Variants in NAV1 observed in about 807,000 individuals in gnomAD.
NAV1 encodes the protein neuron navigator 1, also known as pore membrane and/or filament interacting like protein 3.
In NAV1, 18 loss-of-function variants were observed where a neutral mutation model predicts 175.2. The observed-to-expected ratio is 0.10, with a 90% CI of 0.07 to 0.15. The LOEUF is 0.15. NAV1 is among the 10% of genes least tolerant of loss of function. The pLI is 1.00. For synonymous variants in NAV1, 897 were observed against 978.7 expected (o/e 0.92, Z 1.56); for missense variants, 1,731 against 2,436.6 (o/e 0.71, Z 6.10).
intron 3 of NAV1, among the ~76,000 whole-genome samples, chr1:201,776,193 G>A (rs577486146): frequency 6.6e-6 from 1 of 151,912 alleles, no homozygotes; most frequent in Admixed American, 6.6e-5. Flanking sequence ...AGAAAGGATG[G>A]AAGATAAAAT....
chr1:201,605,485 A>G (rs1439264958), intron 2 of NAV1, among the ~76,000 whole-genome samples: 1 of 152,240 alleles, frequency 6.6e-6, no homozygotes, highest in Admixed American at 6.5e-5. Context: ...GACTGAACCC[A>G]GACCTCATGA....
chr1:201,809,597 T>C lies in NAV1; in HGVS notation c.4401+60T>C, dbSNP rs1678558213. ...TCCTCTCGTGGAATATATATACTTT[T>C]TTAGAGACAGGGTCTCACTCTTGCC... On this transcript the variant is annotated intron_variant, in intron 22 of 29. Coordinates refer to ENST00000367296, the Ensembl canonical transcript of NAV1. 1.1e-5 allele frequency: 17 copies of C among 1,509,414 alleles called. No homozygotes were observed. In the South Asian group the frequency reaches 2.0e-4, roughly 18 times the overall value. 93.5% of individuals were successfully genotyped at this position (1,509,414 alleles called of 1,614,324 possible).
At chr1:201,778,647 C>A (rs1676107335) in intron 3 of NAV1, among the ~76,000 whole-genome samples, 2 of 152,162 alleles carry the variant, frequency 1.3e-5, no homozygotes, top group South Asian at 4.1e-4. Flanking sequence ...ATTTAAAGAA[C>A]TCTGTAGTGT....
chr1:201,570,121 G>T (rs987319), intron 1 of NAV1, among the ~76,000 whole-genome samples: 12,159 of 152,152 alleles, frequency 0.08, 635 homozygotes, highest in East Asian at 0.23. Flanking sequence ...GCCCTGATTA[G>T]GCTGACCTGA....
intron 1 of NAV1, among the ~76,000 whole-genome samples, chr1:201,578,079 G>A (rs1666744863): frequency 1.3e-5 from 2 of 152,084 alleles, no homozygotes; most frequent in Non-Finnish European, 2.9e-5. Context: ...TACTTTTTCA[G>A]CACCATCCTC....
At chr1:201,666,780 G>A (rs1361683832) in intron 1 of NAV1, among the ~76,000 whole-genome samples, 1 of 152,158 alleles carries the variant, frequency 6.6e-6, no homozygotes, top group Non-Finnish European at 1.5e-5. Context: ...CTCCTGGCCT[G>A]CAATTTCAAG....
At chr1:201,600,816 G>A (rs1667491638) in intron 2 of NAV1, among the ~76,000 whole-genome samples, 1 of 152,180 alleles carries the variant, frequency 6.6e-6, no homozygotes, top group Admixed American at 6.5e-5. Flanking sequence ...TTTGTCCTGG[G>A]ATCACAATCC....
chr1:201,726,547 C>T (rs1246900989), intron 3 of NAV1, among the ~76,000 whole-genome samples: 1 of 150,528 alleles, frequency 6.6e-6, no homozygotes, highest in Non-Finnish European at 1.5e-5. Flanking sequence ...GCTCAGGAGG[C>T]TGAGGCAGGA....
At chr1:201,705,125 A>G (rs929547789) in intron 1 of NAV1, among the ~76,000 whole-genome samples, 2 of 152,034 alleles carry the variant, frequency 1.3e-5, no homozygotes, top group African/African-American at 4.8e-5. Flanking sequence ...CACCCTCTTT[A>G]CGTGTTCTAA....
intron 1 of NAV1, among the ~76,000 whole-genome samples, chr1:201,681,857 A>G (rs1670479109): frequency 6.6e-6 from 1 of 152,010 alleles, no homozygotes; most frequent in African/African-American, 2.4e-5. Flanking sequence ...GCTCACGCCT[A>G]TAATCCTAGC....
At chr1:201,763,805 A>G (rs1372968009) in intron 3 of NAV1, among the ~76,000 whole-genome samples, 1 of 152,198 alleles carries the variant, frequency 6.6e-6, no homozygotes, top group East Asian at 1.9e-4. Context: ...TTAAGATCCC[A>G]ATAAAATATA....
chr1:201,768,535 A>T (rs1675359587), intron 3 of NAV1, among the ~76,000 whole-genome samples: 1 of 150,858 alleles, frequency 6.6e-6, no homozygotes, highest in Non-Finnish European at 1.5e-5. Flanking sequence ...CTACTTGGGG[A>T]GCTGAAGCAG....
chr1:201,600,375 A>G (rs1667481195), intron 2 of NAV1, among the ~76,000 whole-genome samples: 2 of 152,218 alleles, frequency 1.3e-5, no homozygotes, highest in African/African-American at 2.4e-5. Flanking sequence ...CCCCTGAAGC[A>G]TGGTGGAGAC....
chr1:201,730,787 C>T (rs982905725), intron 3 of NAV1, among the ~76,000 whole-genome samples: 1 of 152,206 alleles, frequency 6.6e-6, no homozygotes, highest in Non-Finnish European at 1.5e-5. Flanking sequence ...GACTCCAGCT[C>T]AAAGGCTGAG....
At chr1:201,673,277 G>A (rs367698953) in intron 1 of NAV1, 7 of 152,340 alleles carry the variant, frequency 4.6e-5, no homozygotes, top group African/African-American at 1.7e-4. Flanking sequence ...CGGCATCTAC[G>A]AGCAGAGCGA....
chr1:201,728,272 T>A (rs1380099367), intron 3 of NAV1, among the ~76,000 whole-genome samples: 6 of 151,928 alleles, frequency 3.9e-5, no homozygotes, highest in Non-Finnish European at 7.4e-5. Context: ...GAGGCACACA[T>A]CACCACACTT....
chr1:201,816,816 G>A lies in NAV1; in HGVS notation c.5341-272G>A, dbSNP rs1029999931. The stretch of plus-strand genomic sequence containing the variant: ...AGGTAGGATTATATAGGCACGCACC[G>A]CCATGCATGGCTAATTTTTTTTTTC... On this transcript the variant is annotated intron_variant, in intron 28 of 29. Transcript: ENST00000367296. 18 of 390,298 alleles carry A rather than the reference G, an allele frequency of 4.6e-5. No individual in the cohort carries two copies. In the Admixed American group the frequency reaches 6.6e-4, roughly 14 times the overall value. The allele number at this position is 390,298 out of a possible 1,614,324, so 24.2% of individuals were successfully genotyped here. A position where few individuals can be genotyped will look rare whatever the true frequency, so the allele number is the denominator to read the frequency against.
chr1:201,544,509 C>T (rs912250883), intron 1 of NAV1, among the ~76,000 whole-genome samples: 8 of 152,206 alleles, frequency 5.3e-5, no homozygotes, highest in African/African-American at 1.9e-4. Context: ...AAACATCCCC[C>T]TCAGAGGTCA....
chr1:201,707,238 G>A (rs1270222880), intron 1 of NAV1, among the ~76,000 whole-genome samples: 2 of 152,182 alleles, frequency 1.3e-5, no homozygotes, highest in African/African-American at 2.4e-5. Flanking sequence ...TGTGCACCAC[G>A]CCCATCAGCA....
Sources: gnomAD v4.1 joint callset for allele counts (sites outside exome capture counted in the v4.1 genomes callset) on GRCh38, gnomAD v4.1.1 for gene constraint, MANE v1.5 for transcripts, NCBI Gene and HGNC (gene_info 2026-07-23, HGNC 2026-07-21) for gene names.